TM9SF2: variants seen among roughly 807,000 people sequenced by gnomAD.
The protein encoded by TM9SF2 is transmembrane 9 superfamily member 2.
In TM9SF2, 13 loss-of-function variants were observed where a neutral mutation model predicts 84.9. That is an observed-to-expected ratio of 0.15 (90% CI 0.10 to 0.24). TM9SF2 has a LOEUF of 0.24. TM9SF2 is among the 10% of genes least tolerant of loss of function. The pLI is 1.00. For missense variants in TM9SF2, 562 were observed against 818.5 expected, an observed-to-expected ratio of 0.69 and a Z score of 3.82; for synonymous variants, 273 against 285.8, an observed-to-expected ratio of 0.96 and a Z score of 0.45.
intron 3 of TM9SF2, among the ~76,000 whole-genome samples, chr13:99,526,563 A>G (rs1340872460): frequency 1.3e-5 from 2 of 152,166 alleles, no homozygotes; most frequent in South Asian, 2.1e-4. Context: ...GAGTTGGAAC[A>G]ACGGGAGGAG....
intron 3 of TM9SF2, among the ~76,000 whole-genome samples, chr13:99,524,188 C>T (rs551659500): frequency 6.6e-6 from 1 of 152,270 alleles, no homozygotes; most frequent in Non-Finnish European, 1.5e-5. Flanking sequence ...TTACCAGGGT[C>T]ACCCTGGCTG....
intron 6 of TM9SF2, among the ~76,000 whole-genome samples, chr13:99,539,214 A>G (rs1408544097): frequency 6.6e-6 from 1 of 150,860 alleles, no homozygotes; most frequent in East Asian, 1.9e-4. Flanking sequence ...TGTCCCAAAA[A>G]AAAAAAAGAA....
At chr13:99,547,832 A>G (rs2046289984) in intron 11 of TM9SF2, among the ~76,000 whole-genome samples, 3 of 152,140 alleles carry the variant, frequency 2.0e-5, no homozygotes, top group African/African-American at 7.2e-5. Context: ...AGCAATGTGA[A>G]AAAGTTTTGA....
At chr13:99,542,903 A>G (rs896029804) in intron 9 of TM9SF2, among the ~76,000 whole-genome samples, 51 of 152,230 alleles carry the variant, frequency 3.4e-4, no homozygotes, top group African/African-American at 1.2e-3. Context: ...GAAACTGCTC[A>G]AACAGAAGTC....
At chr13:99,528,154 T>C (rs1376476885) in intron 3 of TM9SF2, among the ~76,000 whole-genome samples, 1 of 152,154 alleles carries the variant, frequency 6.6e-6, no homozygotes, top group Non-Finnish European at 1.5e-5. Flanking sequence ...ATAAATAAAA[T>C]ACAATTCCAT....
At chr13:99,543,439 A>G (rs955850212) in intron 9 of TM9SF2, among the ~76,000 whole-genome samples, 4 of 152,238 alleles carry the variant, frequency 2.6e-5, no homozygotes, top group Non-Finnish European at 4.4e-5. Flanking sequence ...GTTTACATCC[A>G]TGCTTACTGT....
intron 3 of TM9SF2, among the ~76,000 whole-genome samples, chr13:99,526,959 A>T (rs532117956): frequency 6.6e-6 from 1 of 152,182 alleles, no homozygotes; most frequent in Non-Finnish European, 1.5e-5. Flanking sequence ...GAAAACAGGC[A>T]CCACCAGCAA....
chr13:99,510,448 G>A (rs2046108830), intron 1 of TM9SF2, among the ~76,000 whole-genome samples: 1 of 152,146 alleles, frequency 6.6e-6, no homozygotes, highest in Non-Finnish European at 1.5e-5. Context: ...AAGAAAAGAG[G>A]TTTAATTGGC....
intron 3 of TM9SF2, among the ~76,000 whole-genome samples, chr13:99,527,146 G>A (rs1262651559): frequency 6.6e-6 from 1 of 152,156 alleles, no homozygotes; most frequent in African/African-American, 2.4e-5. Context: ...GGATTCATAT[G>A]TGGGAATGGA....
chr13:99,540,764 T>G lies in TM9SF2; in HGVS notation c.879T>G (p.Ser293=), dbSNP rs773663017. Residue 293 remains serine (S), a synonymous_variant, in exon 8 of 17, where the codon TCT becomes TCG. Transcript: ENST00000376387. ...CTAGATGGGACTATATTCTGGAGTC[T>G]ATGCCTCATACCCACATTCAGTGGT... ...WASRWDYILE[S]MPHTHIQWFS... 6 of 1,613,850 alleles carry G rather than the reference T, an allele frequency of 3.7e-6. No homozygotes were observed. In the East Asian group the frequency reaches 1.3e-4, roughly 36 times the overall value.
At chr13:99,538,432 A>C (rs969708344) in intron 6 of TM9SF2, among the ~76,000 whole-genome samples, 3 of 151,494 alleles carry the variant, frequency 2.0e-5, no homozygotes, top group African/African-American at 2.4e-5. Context: ...TTTCTCATGC[A>C]CTGGTGGTCA....
intron 15 of TM9SF2, among the ~76,000 whole-genome samples, chr13:99,558,298 TG>T (rs1173552936): frequency 6.6e-6 from 1 of 152,244 alleles, no homozygotes; most frequent in African/African-American, 2.4e-5. Context: ...TTTGACTATT[TG>T]GAGCCCCTTG....
chr13:99,544,417 G>A (rs1444539186), intron 10 of TM9SF2, among the ~76,000 whole-genome samples: 1 of 151,940 alleles, frequency 6.6e-6, no homozygotes, highest in Non-Finnish European at 1.5e-5. Flanking sequence ...CATCCTTTAG[G>A]TTCTCAAAAT....
rs1290533882 is a variant in TM9SF2 at position 99,520,068 on chromosome 13, G to A, written c.272G>A (p.Arg91His). ...FDFCQASEGK[R>H]PSENLGQVLF... ...TTTTGCCAAGCATCAGAAGGAAAGC[G>A]CCCATCTGAAAATCTTGGTCAGGTA... The change falls in exon 3 of 17, where the codon CGC becomes CAC. Residue 91 changes from arginine to histidine, a missense_variant. Around this residue, in one of 4 missense-constraint regions of TM9SF2, gnomAD observed 267 missense variants for 316.7 expected, o/e 0.84. Coordinates refer to ENST00000376387, the MANE Select transcript of TM9SF2 (RefSeq NM_004800.3). 5.6e-6 allele frequency: 9 copies of A among 1,613,760 alleles called. No homozygotes were observed. The highest frequency in any genetic ancestry group is 5.5e-5 in the South Asian group (5 of 91,048).
intron 15 of TM9SF2, among the ~76,000 whole-genome samples, chr13:99,557,964 A>T (rs1459365754): frequency 2.0e-5 from 3 of 152,168 alleles, no homozygotes; most frequent in African/African-American, 2.4e-5. Flanking sequence ...TACCTCATGT[A>T]TTTAAGTCAT....
At chr13:99,534,799 T>C (rs1431898731) in intron 4 of TM9SF2, among the ~76,000 whole-genome samples, 4 of 152,218 alleles carry the variant, frequency 2.6e-5, no homozygotes, top group African/African-American at 7.2e-5. Flanking sequence ...TTAATTTTTT[T>C]GATATTAGAA....
At chr13:99,527,924 A>C (rs1339353630) in intron 3 of TM9SF2, among the ~76,000 whole-genome samples, 1 of 152,220 alleles carries the variant, frequency 6.6e-6, no homozygotes, top group Non-Finnish European at 1.5e-5. Flanking sequence ...CTGGTCTCCT[A>C]ACAAGATGGA....
At chr13:99,516,437 C>G (rs2046135066) in intron 1 of TM9SF2, among the ~76,000 whole-genome samples, 1 of 152,212 alleles carries the variant, frequency 6.6e-6, no homozygotes, top group Non-Finnish European at 1.5e-5. Flanking sequence ...CCCAGCTGAA[C>G]AGCTCTTAAT....
intron 1 of TM9SF2, among the ~76,000 whole-genome samples, chr13:99,515,962 C>T (rs2046132691): frequency 6.6e-6 from 1 of 152,154 alleles, no homozygotes; most frequent in Admixed American, 6.5e-5. Flanking sequence ...AATCTCCTGA[C>T]CTCAGGTGAT....
Sources: gnomAD v4.1 joint callset for allele counts (sites outside exome capture counted in the v4.1 genomes callset) on GRCh38, gnomAD v4.1.1 for gene constraint, gnomAD v4.1.1 regional missense constraint, MANE v1.5 for transcripts, NCBI Gene and HGNC (gene_info 2026-07-23, HGNC 2026-07-21) for gene names.